The following RASGRF2 variants were observed in gnomAD, a reference collection of about 807,000 sequenced individuals.
RASGRF2 encodes the protein ras-specific guanine nucleotide-releasing factor 2.
Under a neutral mutation model 151.0 loss-of-function variants are expected in RASGRF2, and 76 were observed. The ratio of observed to expected loss-of-function variants is 0.50; its 90% confidence interval spans 0.42 to 0.61. The LOEUF (loss-of-function observed/expected upper bound fraction) is 0.61. Among genes scored for constraint, RASGRF2 ranks in the 20% least tolerant of loss-of-function variants. The probability of loss-of-function intolerance (pLI) is 0.00; values close to 1 mark genes in which losing one functional copy is unlikely to be tolerated. For synonymous variants in RASGRF2, 504 were observed against 566.5 expected, an observed-to-expected ratio of 0.89 and a Z score of 1.57; for missense variants, 1,148 against 1,564.6, an observed-to-expected ratio of 0.73 and a Z score of 4.49.
At chr5:81,125,821 C>T (rs12697913) in intron 16 of RASGRF2, among the ~76,000 whole-genome samples, 1,806 of 152,340 alleles carry the variant, frequency 0.012, 33 homozygotes, top group African/African-American at 0.042. Context: ...CCTGATATAA[C>T]TAAATCATAG....
intron 11 of RASGRF2, 25 bp downstream of exon 11, chr5:81,094,387 A>C: frequency 6.3e-7 from 1 of 1,596,870 alleles, no homozygotes; most frequent in Non-Finnish European, 8.6e-7. Flanking sequence ...ATCACTTAGG[A>C]TTCTATTAGA....
chr5:80,996,420 TAAC>T (rs1213952508), intron 1 of RASGRF2, among the ~76,000 whole-genome samples: 1 of 151,204 alleles, frequency 6.6e-6, no homozygotes, highest in East Asian at 2.0e-4. Context: ...TTTGTAAACA[TAAC>T]AAAGAAAATT....
intron 1 of RASGRF2, among the ~76,000 whole-genome samples, chr5:81,000,766 A>G (rs553762590): frequency 2.6e-5 from 4 of 152,272 alleles, no homozygotes; most frequent in South Asian, 2.1e-4. Flanking sequence ...GTTTTGTCCT[A>G]TGCATCTCTA....
intron 23 of RASGRF2, among the ~76,000 whole-genome samples, chr5:81,212,926 A>G (rs1401820600): frequency 6.6e-6 from 1 of 152,218 alleles, no homozygotes; most frequent in Non-Finnish European, 1.5e-5. Flanking sequence ...GCCAAAAGCC[A>G]GGGACAAAAG....
At chr5:81,073,477 G>A in intron 5 of RASGRF2, 25 bp downstream of exon 5, 3 of 1,590,044 alleles carry the variant, frequency 1.9e-6, no homozygotes, top group Non-Finnish European at 2.6e-6. Context: ...AAATCAAAGA[G>A]TTATGAGAAA....
At chr5:81,042,684 C>T (rs1750713543) in intron 1 of RASGRF2, among the ~76,000 whole-genome samples, 193 bp from the exon 2 acceptor site, 4 of 152,116 alleles carry the variant, frequency 2.6e-5, no homozygotes, top group Admixed American at 1.3e-4. Context: ...TGTTAAGATG[C>T]AGTCTGTGGT....
At chr5:81,208,313 T>A in intron 21 of RASGRF2, 41 bp from the exon 22 acceptor site, 3 of 1,550,218 alleles carry the variant, frequency 1.9e-6, no homozygotes, top group African/African-American at 1.4e-5. Context: ...ACCATATTTT[T>A]AAAAACTTAA....
At chr5:81,225,610 T>C (rs1755955570) in intron 26 of RASGRF2, 68 bp from the exon 27 acceptor site, 1 of 1,569,964 alleles carries the variant, frequency 6.4e-7, no homozygotes, top group Non-Finnish European at 8.6e-7. Flanking sequence ...TTGTGTTAGA[T>C]TCCGTCAGAA....
chr5:81,152,432 T>C (rs1322878007), intron 17 of RASGRF2, among the ~76,000 whole-genome samples: 1 of 151,858 alleles, frequency 6.6e-6, no homozygotes, highest in African/African-American at 2.4e-5. Flanking sequence ...GTTTAATCCA[T>C]CTAAGAAGAA....
rs936471900 is a variant in RASGRF2 at position 81,226,511 on chromosome 5, G to C, written c.*741G>C. The C allele has an allele frequency of 2.0e-5, 3 of 152,148 alleles. No individual in the cohort carries two copies. The highest frequency in any genetic ancestry group is 4.4e-5 in the Non-Finnish European group (3 of 68,048). 9.4% of individuals were successfully genotyped at this position (152,148 alleles called of 1,614,324 possible). On this transcript the variant is annotated 3_prime_UTR_variant, in exon 27 of 27. Transcript: ENST00000265080. Reference sequence around the variant, plus strand: ...TGGGGAGCTTTTCCTTGAGACTGTTGGTCCTAAGAAGCCAGCCCTTTTGGA... The same window carrying C: ...TGGGGAGCTTTTCCTTGAGACTGTTCGTCCTAAGAAGCCAGCCCTTTTGGA...
rs1185567712 is a variant in RASGRF2, at chr5:81,086,097, GA to G, written c.1271+191del. 2.0e-5 allele frequency among the ~76,000 whole-genome samples: 3 copies of G among 152,164 alleles called. No individual in the cohort carries two copies. The East Asian group carries it at 5.8e-4, about 29-fold the overall frequency. Reference sequence around the variant, plus strand: ...CATCATTCACATTCATTTGAACCAAGAAAAATACGTATCTTGGAAAATGTTC... The same window carrying G: ...CATCATTCACATTCATTTGAACCAAGAAAATACGTATCTTGGAAAATGTTC... On this transcript the variant is annotated intron_variant, in intron 8 of 26. Transcript: ENST00000265080.
chr5:80,992,502 G>C (rs1748685911), intron 1 of RASGRF2, among the ~76,000 whole-genome samples: 6 of 152,156 alleles, frequency 3.9e-5, no homozygotes, highest in Admixed American at 3.3e-4. Context: ...AGAATAGGAG[G>C]GAGATACAAT....
intron 1 of RASGRF2, among the ~76,000 whole-genome samples, chr5:81,034,156 C>G (rs572245715): frequency 1.3e-5 from 2 of 152,262 alleles, no homozygotes; most frequent in South Asian, 4.2e-4. Flanking sequence ...ACAGACACTT[C>G]TCAAAAGAAG....
chr5:81,051,722 A>G (rs985953178), intron 2 of RASGRF2, among the ~76,000 whole-genome samples: 3 of 152,118 alleles, frequency 2.0e-5, no homozygotes, highest in Non-Finnish European at 2.9e-5. Flanking sequence ...TTATCTACTC[A>G]GTTGATGGCC....
intron 4 of RASGRF2, 49 bp downstream of exon 4, chr5:81,070,630 CTGTTCTA>C: frequency 6.7e-7 from 1 of 1,497,950 alleles, no homozygotes; most frequent in Non-Finnish European, 9.3e-7. Flanking sequence ...GACCAGTCGT[CTGTTCTA>C]TGGTGGTGTC....
intron 1 of RASGRF2, among the ~76,000 whole-genome samples, chr5:81,014,428 G>A (rs1467822985): frequency 6.6e-6 from 1 of 152,194 alleles, no homozygotes; most frequent in Non-Finnish European, 1.5e-5. Context: ...TTGTGCAGAA[G>A]AATGCCTCCT....
rs1756064957 is a variant in RASGRF2, at chr5:81,229,419, A to G, written c.*3649A>G. The G allele has an allele frequency of 6.6e-6, 1 of 152,226 alleles. No individual in the cohort carries two copies. The highest frequency in any genetic ancestry group is 2.4e-5 in the African/African-American group (1 of 41,464). 9.4% of individuals were successfully genotyped at this position (152,226 alleles called of 1,614,324 possible). ...ATTATAGATACCACCGTGTAATAGAAGACTTAAGTCAATGAAATCTAATCA... is the reference window on the plus strand; with the variant it reads ...ATTATAGATACCACCGTGTAATAGAGGACTTAAGTCAATGAAATCTAATCA... On this transcript the variant is annotated 3_prime_UTR_variant, in exon 27 of 27. Transcript: ENST00000265080.
chr5:81,082,139 A>G (rs1467297027), intron 7 of RASGRF2, among the ~76,000 whole-genome samples: 1 of 152,188 alleles, frequency 6.6e-6, no homozygotes, highest in Non-Finnish European at 1.5e-5. Flanking sequence ...TGAAAGACAC[A>G]TGGGGCATTC....
intron 1 of RASGRF2, among the ~76,000 whole-genome samples, chr5:81,007,608 G>A (rs1451706432): frequency 2.0e-5 from 3 of 152,148 alleles, no homozygotes; most frequent in East Asian, 3.9e-4. Flanking sequence ...AAAAATTCAC[G>A]CCAACAAACT....
Sources: allele counts gnomAD v4.1 joint callset (sites outside exome capture counted in the v4.1 genomes callset), GRCh38; gene constraint gnomAD v4.1.1; transcripts MANE v1.5; gene names NCBI Gene and HGNC (gene_info 2026-07-23, HGNC 2026-07-21).